The following ST6GALNAC3 variants were observed in gnomAD, a reference collection of about 807,000 sequenced individuals.
The protein encoded by ST6GALNAC3 is alpha-N-acetylgalactosaminide alpha-2,6-sialyltransferase 3.
Under a neutral mutation model 32.7 loss-of-function variants are expected in ST6GALNAC3, and 25 were observed. The observed-to-expected ratio is 0.76, with a 90% CI of 0.56 to 1.07. The LOEUF (loss-of-function observed/expected upper bound fraction) is 1.07, where lower values mean the gene tolerates loss of function less well. ST6GALNAC3 is among the 50% of genes least tolerant of loss of function. ST6GALNAC3 has a pLI of 0.00. For synonymous variants in ST6GALNAC3, 129 were observed against 133.1 expected (o/e 0.97, Z 0.21); for missense variants, 355 against 382.4 (o/e 0.93, Z 0.60).
intron 2 of ST6GALNAC3, among the ~76,000 whole-genome samples, chr1:76,409,628 A>T (rs1247343077): frequency 1.3e-5 from 2 of 152,112 alleles, no homozygotes; most frequent in African/African-American, 4.8e-5. Context: ...TGCAGGCATA[A>T]AACTATCTCT....
intron 1 of ST6GALNAC3, among the ~76,000 whole-genome samples, chr1:76,170,212 G>T (rs1652396126): frequency 6.6e-6 from 1 of 152,180 alleles, no homozygotes; most frequent in Admixed American, 6.5e-5. Context: ...ATCCACTGCG[G>T]TGAAGGGGCC....
At chr1:76,130,251 G>A (rs1198291865) in intron 1 of ST6GALNAC3, among the ~76,000 whole-genome samples, 1 of 152,166 alleles carries the variant, frequency 6.6e-6, no homozygotes, top group Non-Finnish European at 1.5e-5. Flanking sequence ...CTGACGAAAT[G>A]GCTAGACCAC....
At chr1:76,279,606 A>C (rs1209830445) in intron 1 of ST6GALNAC3, among the ~76,000 whole-genome samples, 3 of 152,204 alleles carry the variant, frequency 2.0e-5, no homozygotes, top group Non-Finnish European at 4.4e-5. Flanking sequence ...ACGTGAGTGC[A>C]GCACTTGAGC....
chr1:76,249,451 T>C (rs936401665), intron 1 of ST6GALNAC3, among the ~76,000 whole-genome samples: 6 of 152,198 alleles, frequency 3.9e-5, no homozygotes, highest in Non-Finnish European at 8.8e-5. Context: ...ATTCATATTA[T>C]AGCTTGTATC....
chr1:76,126,453 T>TTCCTTCCTTCCTTC (rs59791532), intron 1 of ST6GALNAC3, among the ~76,000 whole-genome samples: 1 of 146,118 alleles, frequency 6.8e-6, no homozygotes, highest in Non-Finnish European at 1.5e-5. Flanking sequence ...CCTTCCTTCC[T>TTCCTTCCTTCCTTC]CTCTCTCTGT....
intron 2 of ST6GALNAC3, among the ~76,000 whole-genome samples, chr1:76,328,029 A>G (rs1470782063): frequency 6.6e-6 from 1 of 152,226 alleles, no homozygotes; most frequent in African/African-American, 2.4e-5. Flanking sequence ...GTTATACAAA[A>G]TTATTATCCC....
intron 1 of ST6GALNAC3, among the ~76,000 whole-genome samples, chr1:76,304,776 G>A (rs1570754926): frequency 6.6e-6 from 1 of 152,062 alleles, no homozygotes; most frequent in Non-Finnish European, 1.5e-5. Context: ...CATCATTGTC[G>A]GGATGCCTCT....
intron 2 of ST6GALNAC3, among the ~76,000 whole-genome samples, chr1:76,386,627 G>C (rs757039951): frequency 2.3e-4 from 35 of 152,114 alleles, no homozygotes; most frequent in Non-Finnish European, 4.6e-4. Context: ...ATAACATAGA[G>C]AGATAAAGTG....
chr1:76,456,421 A>T (rs1657801044), intron 3 of ST6GALNAC3, among the ~76,000 whole-genome samples: 2 of 151,978 alleles, frequency 1.3e-5, no homozygotes, highest in Admixed American at 1.3e-4. Context: ...ATCTCGGCTC[A>T]TTGTGGCCTC....
chr1:76,483,652 T>G (rs557219471), intron 3 of ST6GALNAC3, among the ~76,000 whole-genome samples: 64 of 152,308 alleles, frequency 4.2e-4, no homozygotes, highest in African/African-American at 1.5e-3. Flanking sequence ...TTGCAAAAAT[T>G]TTCTTCCATT....
At chr1:76,410,369 C>A (rs929480426) in intron 2 of ST6GALNAC3, among the ~76,000 whole-genome samples, 2 of 152,032 alleles carry the variant, frequency 1.3e-5, no homozygotes, top group African/African-American at 2.4e-5. Flanking sequence ...TCATTCAAGT[C>A]TTTCCTCAAA....
intron 1 of ST6GALNAC3, among the ~76,000 whole-genome samples, chr1:76,123,568 G>A (rs973591251): frequency 6.6e-6 from 1 of 151,914 alleles, no homozygotes; most frequent in African/African-American, 2.4e-5. Context: ...TAGGTATAGT[G>A]CTTGGTCAGG....
At chr1:76,294,911 A>G (rs12068141) in intron 1 of ST6GALNAC3, among the ~76,000 whole-genome samples, 6,346 of 152,168 alleles carry the variant, frequency 0.042, 435 homozygotes, top group African/African-American at 0.14. Context: ...AATAATTCAA[A>G]TTTCCATAAT....
chr1:76,287,478 A>C (rs1659852022), intron 1 of ST6GALNAC3, among the ~76,000 whole-genome samples: 1 of 151,432 alleles, frequency 6.6e-6, no homozygotes, highest in South Asian at 2.1e-4. Flanking sequence ...GGTCACAGTA[A>C]ACTGAAGCCT....
chr1:76,577,024 G>A, intron 3 of ST6GALNAC3: 1 of 1,187,634 alleles, frequency 8.4e-7, no homozygotes. Context: ...TAAGATTGTG[G>A]CTTTGTGTAA....
intron 2 of ST6GALNAC3, among the ~76,000 whole-genome samples, chr1:76,315,482 T>C (rs185524327): frequency 1.4e-4 from 21 of 152,300 alleles, no homozygotes; most frequent in Admixed American, 8.5e-4. Flanking sequence ...AACTGACCTA[T>C]GGATGCAGTT....
At chr1:76,250,406 C>G (rs1657542562) in intron 1 of ST6GALNAC3, among the ~76,000 whole-genome samples, 1 of 152,124 alleles carries the variant, frequency 6.6e-6, no homozygotes, top group Non-Finnish European at 1.5e-5. Flanking sequence ...CATTCCTCAC[C>G]CCTCTAGTCT....
chr1:76,078,789 A>T (rs185597828), intron 1 of ST6GALNAC3, among the ~76,000 whole-genome samples: 127 of 150,998 alleles, frequency 8.4e-4, no homozygotes, highest in African/African-American at 1.7e-3. Flanking sequence ...TATTATTATT[A>T]TTTTTTTTTG....
chr1:76,291,918 G>A (rs1476704188), intron 1 of ST6GALNAC3, among the ~76,000 whole-genome samples: 1 of 152,202 alleles, frequency 6.6e-6, no homozygotes, highest in Non-Finnish European at 1.5e-5. Flanking sequence ...AAATAAGATA[G>A]GATAGATCTT....
Sources: allele counts gnomAD v4.1 joint callset (sites outside exome capture counted in the v4.1 genomes callset), GRCh38; gene constraint gnomAD v4.1.1; transcripts MANE v1.5; gene names NCBI Gene and HGNC (gene_info 2026-07-23, HGNC 2026-07-21).